The following KLF8 variants were observed in gnomAD, a reference collection of about 807,000 sequenced individuals.
KLF8 encodes the protein Krueppel-like factor 8.
In KLF8, 10 loss-of-function variants were observed where a neutral mutation model predicts 18.2. The observed-to-expected ratio is 0.55, with a 90% CI of 0.34 to 0.93. The LOEUF (loss-of-function observed/expected upper bound fraction) is 0.93. Among genes scored for constraint, KLF8 ranks in the 40% least tolerant of loss-of-function variants. The pLI is 0.02. For missense variants in KLF8, 264 were observed against 277.9 expected (o/e 0.95, Z 0.36); for synonymous variants, 109 against 97.3 (o/e 1.12, Z -0.71).
chrX:56,166,523 G>C, the KLF8 span, among the ~76,000 whole-genome samples: 2 of 112,054 alleles, frequency 1.8e-5, no homozygotes, highest in Admixed American at 1.9e-4. Flanking sequence ...GATATTTGTA[G>C]ATACATTAAG....
the KLF8 span, among the ~76,000 whole-genome samples, chrX:56,203,772 T>G: frequency 8.9e-6 from 1 of 111,925 alleles, no homozygotes; most frequent in Non-Finnish European, 1.9e-5. Flanking sequence ...GCTATTCTGT[T>G]CCACTGGTCT....
the KLF8 span, among the ~76,000 whole-genome samples, chrX:56,149,501 A>G: frequency 9.0e-6 from 1 of 110,929 alleles, no homozygotes; most frequent in Non-Finnish European, 1.9e-5. Context: ...TGCCTGCCTG[A>G]TAGGATCATT....
chrX:55,924,679 A>G, the KLF8 span, among the ~76,000 whole-genome samples: 10 of 110,694 alleles, frequency 9.0e-5, no homozygotes, highest in Non-Finnish European at 1.9e-4. Flanking sequence ...TTTGATACTC[A>G]AATACCTGGG....
chrX:56,228,416 GA>G (rs968454424), upstream of KLF8, among the ~76,000 whole-genome samples: 1 of 112,060 alleles, frequency 8.9e-6, no homozygotes, highest in African/African-American at 3.2e-5. Context: ...TGGAGTCTTG[GA>G]AAGGGGCGTA....
chrX:55,994,445 AT>A, the KLF8 span, among the ~76,000 whole-genome samples: 3,090 of 89,028 alleles, frequency 0.035, 83 homozygotes, highest in African/African-American at 0.095. Flanking sequence ...AATTTTTGTT[AT>A]TTTTTTTTTT....
the KLF8 span, among the ~76,000 whole-genome samples, chrX:56,093,877 T>C: frequency 9.4e-6 from 1 of 106,183 alleles, no homozygotes; most frequent in Non-Finnish European, 1.9e-5. Flanking sequence ...CATGGATTAA[T>C]TGTAAATGGC....
the KLF8 span, among the ~76,000 whole-genome samples, chrX:56,079,901 G>A: frequency 3.6e-5 from 4 of 111,077 alleles, no homozygotes; most frequent in Non-Finnish European, 5.7e-5. Context: ...ACCATTATGT[G>A]ATGGCCTTCT....
At chrX:55,981,632 A>C in the KLF8 span, among the ~76,000 whole-genome samples, 43 of 112,185 alleles carry the variant, frequency 3.8e-4, no homozygotes, top group African/African-American at 1.4e-3. Context: ...TATTTCTAGA[A>C]GTTACTGCAG....
At chrX:55,988,790 G>T in the KLF8 span, among the ~76,000 whole-genome samples, 1 of 111,601 alleles carries the variant, frequency 9.0e-6, no homozygotes, top group South Asian at 3.8e-4. Context: ...AATTACCTTG[G>T]GCAGTATGGC....
chrX:56,027,274 C>A, the KLF8 span, among the ~76,000 whole-genome samples: 2 of 111,939 alleles, frequency 1.8e-5, no homozygotes, highest in Non-Finnish European at 3.8e-5. Context: ...GGAGTAGATG[C>A]TGCTTTTCAT....
the KLF8 span, among the ~76,000 whole-genome samples, chrX:55,981,652 C>A: frequency 1.8e-5 from 2 of 111,882 alleles, no homozygotes; most frequent in Non-Finnish European, 3.8e-5. Flanking sequence ...GAGCATGGAA[C>A]AATGAATTAA....
chrX:55,936,142 A>T, the KLF8 span, among the ~76,000 whole-genome samples: 1 of 111,969 alleles, frequency 8.9e-6, no homozygotes, highest in African/African-American at 3.2e-5. Flanking sequence ...GAAATACTAA[A>T]CCTGTTAAAA....
the KLF8 span, among the ~76,000 whole-genome samples, chrX:55,934,706 T>G: frequency 8.9e-6 from 1 of 112,338 alleles, no homozygotes; most frequent in Non-Finnish European, 1.9e-5. Context: ...CTCTCAGAAA[T>G]CACAATGTTA....
the KLF8 span, among the ~76,000 whole-genome samples, chrX:56,201,440 G>T: frequency 9.0e-6 from 1 of 111,486 alleles, no homozygotes; most frequent in African/African-American, 3.2e-5. Flanking sequence ...CATGGTAGTT[G>T]TTAGGGGTTG....
chrX:56,081,799 G>T, the KLF8 span, among the ~76,000 whole-genome samples: 1 of 112,024 alleles, frequency 8.9e-6, no homozygotes, highest in Non-Finnish European at 1.9e-5. Context: ...GTGTTCCTCA[G>T]ATAAGTCTCA....
At chrX:56,001,996 G>A in the KLF8 span, among the ~76,000 whole-genome samples, 2 of 111,736 alleles carry the variant, frequency 1.8e-5, no homozygotes, top group Non-Finnish European at 3.8e-5. Flanking sequence ...TTTTATGAAG[G>A]CCCGCCTACA....
the KLF8 span, among the ~76,000 whole-genome samples, chrX:56,116,819 G>A: frequency 9.1e-6 from 1 of 109,429 alleles, no homozygotes; most frequent in Non-Finnish European, 1.9e-5. Context: ...TAGTCACCAT[G>A]CTGTACCTTA....
the KLF8 span, among the ~76,000 whole-genome samples, chrX:56,052,230 C>G: frequency 1.8e-5 from 2 of 111,279 alleles, no homozygotes; most frequent in Non-Finnish European, 1.9e-5. Context: ...TCCCATAGCT[C>G]AGAGTAATTT....
the KLF8 span, among the ~76,000 whole-genome samples, chrX:56,188,601 G>A: frequency 8.9e-6 from 1 of 111,843 alleles, no homozygotes; most frequent in African/African-American, 3.3e-5. Flanking sequence ...GAGGCATCAT[G>A]CTACCTGACT....
Sources: gnomAD v4.1 joint callset for allele counts (sites outside exome capture counted in the v4.1 genomes callset) on GRCh38, gnomAD v4.1.1 for gene constraint, MANE v1.5 for transcripts, NCBI Gene and HGNC (gene_info 2026-07-23, HGNC 2026-07-21) for gene names.